TBXAS1: variants seen among roughly 807,000 people sequenced by gnomAD.
TBXAS1 encodes thromboxane A synthase 1.
A neutral mutation model predicts 60.7 loss-of-function variants in TBXAS1; 48 were observed. That is an observed-to-expected ratio of 0.79 (90% CI 0.63 to 1.01). TBXAS1 has a LOEUF of 1.01. TBXAS1 is among the 50% of genes least tolerant of loss of function. TBXAS1 has a pLI of 0.00. For missense variants in TBXAS1, 685 were observed against 686.3 expected, an observed-to-expected ratio of 1.00 and a Z score of 0.02; for synonymous variants, 287 against 269.7, an observed-to-expected ratio of 1.06 and a Z score of -0.63.
At chr7:139,992,247 C>T (rs1236395556) in intron 9 of TBXAS1, among the ~76,000 whole-genome samples, 2 of 152,236 alleles carry the variant, frequency 1.3e-5, no homozygotes, top group Non-Finnish European at 2.9e-5. Flanking sequence ...ATGAAAACTC[C>T]AGGTCCATGG....
At chr7:139,968,856 T>A (rs754725983) in intron 9 of TBXAS1, among the ~76,000 whole-genome samples, 2 of 152,326 alleles carry the variant, frequency 1.3e-5, no homozygotes, top group East Asian at 3.9e-4. Flanking sequence ...TTTGTACCAT[T>A]TGTACCACTC....
In TBXAS1 at chr7:139,852,785, A is replaced by G. The variant is rs1453561203; in HGVS notation, c.90-19450A>G. Among the ~76,000 whole-genome samples, 2 of 152,140 alleles carry G rather than the reference A, an allele frequency of 1.3e-5. No homozygotes were observed. Among genetic ancestry groups the G allele is most frequent in the African/African-American group, 2.4e-5 (1 of 41,416 alleles). On this transcript the variant is annotated intron_variant, in intron 1 of 12. Coordinates refer to ENST00000448866, the MANE Select transcript of TBXAS1 (RefSeq NM_001061.7). This position sits in a 1 kb window ranked among gnomAD's most constrained non-coding sequence, Gnocchi z 4.4. ...CATAGTGCAATAGAAAGGTGGAAAT[A>G]TTGGCTGGGTTTATGAAGACATAAC...
At chr7:139,824,091 T>C (rs557248861) in intron 4 of TBXAS1, among the ~76,000 whole-genome samples, 86 of 152,212 alleles carry the variant, frequency 5.7e-4, no homozygotes, top group African/African-American at 2.0e-3. Flanking sequence ...TTTTTAAACA[T>C]AGGGAACATG....
rs1206409937 is a variant in TBXAS1, at chr7:139,916,126, T to C, written c.333+4805T>C. Among the ~76,000 whole-genome samples the C allele has an allele frequency of 6.6e-6, 1 of 152,218 alleles. No individual in the cohort carries two copies. The highest frequency in any genetic ancestry group is 6.5e-5 in the Admixed American group (1 of 15,290). ...CTTTGCTGTCAGGTACGGTACCTAA[T>C]GAAACCATAGGGCAGCTCTTTTTTA... On this transcript the variant is annotated intron_variant, in intron 4 of 12. Coordinates refer to ENST00000448866, the MANE Select transcript of TBXAS1 (RefSeq NM_001061.7). This position sits in a 1 kb window ranked among gnomAD's most constrained non-coding sequence, Gnocchi z 4.2.
At chr7:139,851,198 C>T (rs1181739358) in intron 1 of TBXAS1, among the ~76,000 whole-genome samples, 1 of 152,224 alleles carries the variant, frequency 6.6e-6, no homozygotes, top group African/African-American at 2.4e-5. Flanking sequence ...CTGCAATAAT[C>T]TTCACTTGAC....
Position 139,992,087 on chromosome 7 carries a change from A to T in TBXAS1, c.1135-15004A>T, listed in dbSNP as rs532991923. Among the ~76,000 whole-genome samples the T allele has an allele frequency of 5.1e-3, 775 of 152,300 alleles. 3 individuals are homozygous for T. Among genetic ancestry groups the T allele is most frequent in the Non-Finnish European group, 8.5e-3 (581 of 68,004 alleles). ...AGCCCTCCCTGTCCGCTCTAGCAAT[A>T]TGGCACAAGGGGGTATGATCTGCCA... On this transcript the variant is annotated intron_variant, in intron 9 of 12. Coordinates refer to ENST00000448866, the MANE Select transcript of TBXAS1 (RefSeq NM_001061.7).
chr7:139,930,737 C>T (rs1807254692), intron 4 of TBXAS1, among the ~76,000 whole-genome samples: 1 of 152,124 alleles, frequency 6.6e-6, no homozygotes, highest in Non-Finnish European at 1.5e-5. Flanking sequence ...GGAGTTTGCA[C>T]CAGGATAGGG....
chr7:140,014,551 G>A (rs1814867094), intron 10 of TBXAS1, among the ~76,000 whole-genome samples: 1 of 152,136 alleles, frequency 6.6e-6, no homozygotes, highest in African/African-American at 2.4e-5. Flanking sequence ...GGAAAGAAAT[G>A]TGTGTGTGCA....
rs58009381 is a variant in TBXAS1, at chr7:139,999,396, C to A, written c.1135-7695C>A. Among the ~76,000 whole-genome samples, 3,943 of 152,210 alleles carry A rather than the reference C, an allele frequency of 0.026. 171 individuals are homozygous for A. Among genetic ancestry groups the A allele is most frequent in the African/African-American group, 0.087 (3,622 of 41,518 alleles). On this transcript the variant is annotated intron_variant, in intron 9 of 12. Transcript: ENST00000448866. This position sits in a 1 kb window ranked among gnomAD's most constrained non-coding sequence, Gnocchi z 4.3. ...ATAACTACGTGGGCATGGTGGTGAG[C>A]GCCTGTAATTCCAGCTACTTGGGAG...
intron 4 of TBXAS1, among the ~76,000 whole-genome samples, chr7:139,815,503 C>T (rs1280518633): frequency 1.3e-5 from 2 of 152,210 alleles, no homozygotes; most frequent in African/African-American, 4.8e-5. Flanking sequence ...CACCACCCAA[C>T]TGTTTTCTTA....
At chr7:139,808,843 C>G (rs1178743546) in intron 4 of TBXAS1, among the ~76,000 whole-genome samples, 1 of 152,124 alleles carries the variant, frequency 6.6e-6, no homozygotes, top group African/African-American at 2.4e-5. Flanking sequence ...GAACATAGTA[C>G]ACATTTGGTG....
intron 4 of TBXAS1, among the ~76,000 whole-genome samples, chr7:139,823,364 T>G (rs187797327): frequency 6.6e-6 from 1 of 152,122 alleles, no homozygotes; most frequent in Admixed American, 6.5e-5. Flanking sequence ...ATTCAATAAG[T>G]GTTTTCTAGA....
chr7:139,950,037 A>ATTTTTTTTTTTTTTTTTTTTTTTTT (rs3082651), intron 5 of TBXAS1, among the ~76,000 whole-genome samples: 1 of 103,544 alleles, frequency 9.7e-6, no homozygotes, highest in Non-Finnish European at 1.9e-5. Flanking sequence ...AGGTGATGGG[A>ATTTTTTTTTTTTTTTTTTTTTTTTT]TTTTTTTTTT....
At chr7:139,949,072 C>T (rs557476000) in intron 5 of TBXAS1, among the ~76,000 whole-genome samples, 4 of 152,296 alleles carry the variant, frequency 2.6e-5, no homozygotes, top group South Asian at 4.1e-4. Context: ...ATTACAATCA[C>T]GTCAGGCAGC....
rs201043533 is a variant in TBXAS1 at position 139,927,502 on chromosome 7, TGTA to T, written c.334-8686_334-8684del. Among the ~76,000 whole-genome samples, 1,043 of 152,290 alleles carry T rather than the reference TGTA, an allele frequency of 6.8e-3. 8 individuals are homozygous for T. The highest frequency in any genetic ancestry group is 0.028 in the South Asian group (134 of 4,828). On this transcript the variant is annotated intron_variant, in intron 4 of 12. Transcript: ENST00000448866. Reference sequence around the variant, plus strand: ...TACTGTCTATATCTTGAAAAGTTGTTGTAGTTATTATTTTCAATTGGTTAATCT... The same window carrying T: ...TACTGTCTATATCTTGAAAAGTTGTTGTTATTATTTTCAATTGGTTAATCT...
chr7:139,984,639 A>AGAGG (rs1554503294), intron 9 of TBXAS1, among the ~76,000 whole-genome samples: 2 of 84,800 alleles, frequency 2.4e-5, no homozygotes, highest in Admixed American at 1.4e-4. Context: ...AGAGAGAGAG[A>AGAGG]GAGAAAGAAA....
intron 1 of TBXAS1, among the ~76,000 whole-genome samples, chr7:139,832,534 T>C (rs531455320): frequency 6.6e-5 from 10 of 152,312 alleles, no homozygotes; most frequent in African/African-American, 2.4e-4. Flanking sequence ...GCAAAACATA[T>C]TTGGGGGAAT....
At chr7:139,888,479 G>A (rs1197566417) in intron 3 of TBXAS1, among the ~76,000 whole-genome samples, 1 of 152,132 alleles carries the variant, frequency 6.6e-6, no homozygotes, top group Non-Finnish European at 1.5e-5. Flanking sequence ...TGCAATTGGT[G>A]GCTTCTCAAT....
intron 3 of TBXAS1, among the ~76,000 whole-genome samples, chr7:139,878,512 GA>G (rs1013432320): frequency 6.7e-6 from 1 of 150,144 alleles, no homozygotes; most frequent in Non-Finnish European, 1.5e-5. Flanking sequence ...TTCTCCTTTG[GA>G]AAAAAAAAGA....
Sources: allele counts gnomAD v4.1 joint callset (sites outside exome capture counted in the v4.1 genomes callset), GRCh38; gene constraint gnomAD v4.1.1; non-coding constraint Gnocchi (gnomAD v3.1); transcripts MANE v1.5; gene names NCBI Gene and HGNC (gene_info 2026-07-23, HGNC 2026-07-21).